Variants in RBM4 observed in about 807,000 individuals in gnomAD.
RBM4 encodes the protein RNA-binding protein 4.
In RBM4, 7 loss-of-function variants were observed where a neutral mutation model predicts 29.5. That is an observed-to-expected ratio of 0.24 (90% CI 0.14 to 0.45). The LOEUF (loss-of-function observed/expected upper bound fraction) is 0.45. RBM4 is among the 20% of genes least tolerant of loss of function. The pLI is 1.00. For missense variants in RBM4, 387 were observed against 502.3 expected (o/e 0.77, Z 2.19); for synonymous variants, 220 against 205.4 (o/e 1.07, Z -0.61).
At chr11:66,644,507 G>A (rs968627920) in intron 3 of RBM4, 1 of 263,858 alleles carries the variant, frequency 3.8e-6, no homozygotes, top group East Asian at 1.3e-4. Context: ...CCTTTGTTAA[G>A]TTTCCTACGT....
chr11:66,650,065 T>C (rs551747226), downstream of RBM4: 1 of 424,892 alleles, frequency 2.4e-6, no homozygotes, highest in South Asian at 4.3e-5. Flanking sequence ...CTGTCCTCAC[T>C]GTGCCTCCAC....
intron 2 of RBM4, among the ~76,000 whole-genome samples, chr11:66,660,812 C>T (rs1939067550): frequency 6.6e-6 from 1 of 151,972 alleles, no homozygotes; most frequent in African/African-American, 2.4e-5. Flanking sequence ...TGCCACCATA[C>T]CTGGCTAATT....
intron 2 of RBM4, among the ~76,000 whole-genome samples, chr11:66,660,244 C>G (rs1383406262): frequency 2.0e-5 from 3 of 151,710 alleles, no homozygotes; most frequent in Non-Finnish European, 4.4e-5. Context: ...TCCCAAACCA[C>G]CTGTAGCTTA....
At chr11:66,646,493 C>G, downstream of RBM4, 1 of 991,028 alleles carries the variant, frequency 1.0e-6, no homozygotes, top group Non-Finnish European at 1.2e-6. Context: ...TGCGAGACTT[C>G]TTGCTTGGGC....
chr11:66,667,737 T>G (rs1340067043), exon 3 of RBM4: 1 of 151,522 alleles, frequency 6.6e-6, no homozygotes, highest in Non-Finnish European at 1.5e-5. Flanking sequence ...ACAGTCTCAC[T>G]CTGTTGCCCA....
chr11:66,650,953 C>G (rs1052417421), downstream of RBM4, among the ~76,000 whole-genome samples: 1 of 152,144 alleles, frequency 6.6e-6, no homozygotes, highest in South Asian at 2.1e-4. Flanking sequence ...ATGCCAGGGG[C>G]GGATGTTGCA....
At chr11:66,658,389 A>G (rs1939001685) in intron 2 of RBM4, among the ~76,000 whole-genome samples, 1 of 138,580 alleles carries the variant, frequency 7.2e-6, no homozygotes, top group South Asian at 2.4e-4. Flanking sequence ...GGCAACTAGA[A>G]TAGGCTCAGA....
exon 3 of RBM4, chr11:66,666,752 G>T (rs547116296): frequency 1.3e-5 from 2 of 152,278 alleles, no homozygotes; most frequent in South Asian, 4.1e-4. Flanking sequence ...TAAATTTTAA[G>T]ATCATTTGCT....
chr11:66,659,622 C>T (rs1462949732), intron 2 of RBM4, among the ~76,000 whole-genome samples: 2 of 152,094 alleles, frequency 1.3e-5, no homozygotes, highest in Non-Finnish European at 2.9e-5. Flanking sequence ...TGAGATAGAG[C>T]TCCTGAGACT....
At position 66,646,332 on chromosome 11, in the gene RBM4, C is replaced by T. The variant is rs1380983584; in HGVS notation, c.*314C>T. ...GTGCTGTCTCCTCCCTGCCTCCTGC[C>T]TCCTGCGGCTGTTGGATTTGGGAAT... On this transcript the variant is annotated 3_prime_UTR_variant, in exon 4 of 4. Transcript: ENST00000310092. The T allele has an allele frequency of 7.7e-5, 98 of 1,274,574 alleles. No individual in the cohort carries two copies. Among genetic ancestry groups the T allele is most frequent in the Non-Finnish European group, 9.6e-5 (96 of 1,005,126 alleles). 79.0% of individuals were successfully genotyped at this position (1,274,574 alleles called of 1,614,324 possible).
intron 1 of RBM4, 42 bp from the exon 2 acceptor site, chr11:66,639,658 G>A: frequency 6.3e-7 from 1 of 1,595,554 alleles, no homozygotes. Context: ...AACGGATGTG[G>A]GCCTGAGGTC....
chr11:66,655,305 TTTG>T (rs1938925055), intron 2 of RBM4, among the ~76,000 whole-genome samples: 1 of 151,648 alleles, frequency 6.6e-6, no homozygotes. Context: ...TTTTTTTTTT[TTTG>T]AGACAGGGTC....
chr11:66,649,606 G>A (rs1023468094), downstream of RBM4: 19 of 601,778 alleles, frequency 3.2e-5, no homozygotes, highest in South Asian at 3.6e-4. Context: ...GTATTATGAA[G>A]TTGTTTTTAT....
At chr11:66,640,149 G>A (rs757931880) in intron 2 of RBM4, 26 bp downstream of exon 2, 2 of 1,613,894 alleles carry the variant, frequency 1.2e-6, no homozygotes, top group South Asian at 2.2e-5. Flanking sequence ...TGGGTAGAGG[G>A]CTGAACACAA....
intron 2 of RBM4, among the ~76,000 whole-genome samples, chr11:66,651,604 T>G (rs1375377551): frequency 6.6e-6 from 1 of 152,140 alleles, no homozygotes; most frequent in Non-Finnish European, 1.5e-5. Flanking sequence ...TGCCTCGGCC[T>G]CCCAAAGTGC....
At chr11:66,663,510 G>A (rs1206962615) in intron 2 of RBM4, among the ~76,000 whole-genome samples, 1 of 151,888 alleles carries the variant, frequency 6.6e-6, no homozygotes, top group African/African-American at 2.4e-5. Flanking sequence ...GACTACAGGC[G>A]CCCGCCACCA....
At chr11:66,648,847 A>G (rs949319130), downstream of RBM4, among the ~76,000 whole-genome samples, 3 of 151,014 alleles carry the variant, frequency 2.0e-5, no homozygotes, top group Admixed American at 1.3e-4. Context: ...TCTTGATTCT[A>G]TTAGAGCAAG....
chr11:66,657,408 C>T (rs1479713823), intron 2 of RBM4, among the ~76,000 whole-genome samples: 3 of 151,640 alleles, frequency 2.0e-5, no homozygotes, highest in East Asian at 1.9e-4. Flanking sequence ...TTAGGCCGGG[C>T]GCGGTGGCTC....
At chr11:66,652,559 ATTAAG>A (rs1565085474) in intron 2 of RBM4, among the ~76,000 whole-genome samples, 1 of 152,162 alleles carries the variant, frequency 6.6e-6, no homozygotes, top group Non-Finnish European at 1.5e-5. Flanking sequence ...TTCTTGCATT[ATTAAG>A]TTGTGTCATG....
Sources: allele counts gnomAD v4.1 joint callset (sites outside exome capture counted in the v4.1 genomes callset), GRCh38; gene constraint gnomAD v4.1.1; transcripts MANE v1.5; gene names NCBI Gene and HGNC (gene_info 2026-07-23, HGNC 2026-07-21).